GLG1: variants seen among roughly 807,000 people sequenced by gnomAD.
GLG1 encodes golgi glycoprotein 1, also known as Golgi apparatus protein 1.
In GLG1, 38 loss-of-function variants were observed where a neutral mutation model predicts 160.5. The observed-to-expected ratio is 0.24, with a 90% CI of 0.18 to 0.31. GLG1 has a LOEUF of 0.31. GLG1 is among the 10% of genes least tolerant of loss of function. The pLI is 1.00. For synonymous variants in GLG1, 644 were observed against 543.4 expected (o/e 1.19, Z -2.57); for missense variants, 1,373 against 1,505.2 (o/e 0.91, Z 1.45).
At chr16:74,541,846 T>C (rs1041032721) in intron 1 of GLG1, among the ~76,000 whole-genome samples, 1 of 152,026 alleles carries the variant, frequency 6.6e-6, no homozygotes, top group African/African-American at 2.4e-5. Flanking sequence ...ACATACTCTT[T>C]GCACTTTAAA....
intron 1 of GLG1, among the ~76,000 whole-genome samples, chr16:74,599,929 G>C (rs1958399744): frequency 6.6e-6 from 1 of 151,906 alleles, no homozygotes; most frequent in African/African-American, 2.4e-5. Flanking sequence ...TGCTACTAGA[G>C]AGGTGGAGCC....
rs149968812 is a variant in GLG1, at chr16:74,513,929, T to C, written c.472-5004A>G. Among the ~76,000 whole-genome samples, 541 of 152,022 alleles carry C rather than the reference T, an allele frequency of 3.6e-3. 5 individuals are homozygous for C. The highest frequency in any genetic ancestry group is 0.01 in the Middle Eastern group (3 of 294). ...ACAAATGGCTAACTAGAATAACCAGTGTAGAGAAGAGCTTAAATGACCTGA... is the reference window on the plus strand; with the variant it reads ...ACAAATGGCTAACTAGAATAACCAGCGTAGAGAAGAGCTTAAATGACCTGA... On this transcript the variant is annotated intron_variant, in intron 2 of 25. Coordinates refer to ENST00000422840, the MANE Select transcript of GLG1 (RefSeq NM_001145667.2).
chr16:74,467,727 A>G, intron 18 of GLG1, 29 bp downstream of exon 18: 1 of 1,354,378 alleles, frequency 7.4e-7, no homozygotes, highest in Non-Finnish European at 1.1e-6. Flanking sequence ...CATTACTTTT[A>G]CAATTACAAA....
intron 1 of GLG1, among the ~76,000 whole-genome samples, chr16:74,583,364 G>A (rs547584753): frequency 6.6e-6 from 1 of 152,148 alleles, no homozygotes; most frequent in African/African-American, 2.4e-5. Flanking sequence ...TGGAGGTAGT[G>A]TAACAGTTAA....
At chr16:74,540,868 T>G (rs894409996) in intron 1 of GLG1, among the ~76,000 whole-genome samples, 7 of 152,212 alleles carry the variant, frequency 4.6e-5, no homozygotes, top group Non-Finnish European at 8.8e-5. Flanking sequence ...ATAAAAGGCC[T>G]TGTTTTCACT....
chr16:74,557,874 C>T (rs143838651), intron 1 of GLG1, among the ~76,000 whole-genome samples: 37 of 152,120 alleles, frequency 2.4e-4, no homozygotes, highest in African/African-American at 7.5e-4. Flanking sequence ...CGTGAGCCAC[C>T]AGGCCTGGCC....
chr16:74,530,085 T>C (rs2017483832), intron 2 of GLG1, among the ~76,000 whole-genome samples: 1 of 152,116 alleles, frequency 6.6e-6, no homozygotes, highest in African/African-American at 2.4e-5. Context: ...ATTACAGGTG[T>C]GGACTACTGC....
At chr16:74,598,539 A>G (rs1163837295) in intron 1 of GLG1, among the ~76,000 whole-genome samples, 2 of 150,938 alleles carry the variant, frequency 1.3e-5, no homozygotes, top group Admixed American at 1.3e-4. Flanking sequence ...AAGAAAAAAG[A>G]AAGAAGAAAA....
At chr16:74,578,686 G>A (rs1033403774) in intron 1 of GLG1, among the ~76,000 whole-genome samples, 2 of 152,168 alleles carry the variant, frequency 1.3e-5, no homozygotes, top group African/African-American at 4.8e-5. Context: ...CAGAACACAG[G>A]CCTCCTTAGA....
chr16:74,476,053 G>A (rs1336196933), intron 12 of GLG1, among the ~76,000 whole-genome samples: 1 of 152,080 alleles, frequency 6.6e-6, no homozygotes, highest in Non-Finnish European at 1.5e-5. Context: ...GTGGTGGCAG[G>A]TGCCTGTAAT....
At chr16:74,498,751 G>A (rs1259101342) in intron 4 of GLG1, among the ~76,000 whole-genome samples, 3 of 146,906 alleles carry the variant, frequency 2.0e-5, no homozygotes, top group Non-Finnish European at 4.5e-5. Context: ...TATAACCCCA[G>A]CTACTCAGGA....
intron 13 of GLG1, among the ~76,000 whole-genome samples, chr16:74,473,978 G>C (rs1378819552): frequency 6.6e-6 from 1 of 151,664 alleles, no homozygotes; most frequent in Non-Finnish European, 1.5e-5. Context: ...TTGAAACACA[G>C]TCTCCCACTC....
chr16:74,588,894 C>A (rs1051893550), intron 1 of GLG1, among the ~76,000 whole-genome samples: 1 of 151,072 alleles, frequency 6.6e-6, no homozygotes. Flanking sequence ...TAAGAATAAT[C>A]AAATAGGGAA....
At chr16:74,504,010 A>G (rs2016508228) in intron 3 of GLG1, among the ~76,000 whole-genome samples, 1 of 152,230 alleles carries the variant, frequency 6.6e-6, no homozygotes, top group African/African-American at 2.4e-5. Flanking sequence ...ATACCTACAT[A>G]TCAAATGCTT....
chr16:74,448,746 G>C lies in GLG1; in HGVS notation c.*4421C>G. 1.8e-5 allele frequency: 1 copy of C among 54,182 alleles called. No individual in the cohort carries two copies. The highest frequency in any genetic ancestry group is 3.2e-5 in the Non-Finnish European group (1 of 31,474). The allele number at this position is 54,182 out of a possible 1,614,324, so 3.4% of individuals were successfully genotyped here. A position where few individuals can be genotyped will look rare whatever the true frequency, so the allele number is the denominator to read the frequency against. On this transcript the variant is annotated 3_prime_UTR_variant, in exon 26 of 26. Transcript: ENST00000422840. ...CAGCCTGGGCAACGAGTGAAACTGTGTCTCAAAAGAAAAAAAAAAAAAAGG... is the reference window on the plus strand; with the variant it reads ...CAGCCTGGGCAACGAGTGAAACTGTCTCTCAAAAGAAAAAAAAAAAAAAGG...
chr16:74,527,052 T>C (rs2017357381), intron 2 of GLG1, among the ~76,000 whole-genome samples: 1 of 152,166 alleles, frequency 6.6e-6, no homozygotes, highest in African/African-American at 2.4e-5. Flanking sequence ...ATCTGTATCC[T>C]GATTATACAT....
At chr16:74,597,736 C>T (rs1179776132) in intron 1 of GLG1, among the ~76,000 whole-genome samples, 1 of 151,910 alleles carries the variant, frequency 6.6e-6, no homozygotes, top group Non-Finnish European at 1.5e-5. Flanking sequence ...CGCCTGTAGT[C>T]CCAGCTACTC....
chr16:74,451,706 G>A lies in GLG1; in HGVS notation c.*1461C>T, dbSNP rs1023814831. ...CCTACTGTACACACTGCTCTCTTGT[G>A]CAGCCACTGTGATCTCATGCCCCAA... On this transcript the variant is annotated 3_prime_UTR_variant, in exon 26 of 26. Coordinates refer to ENST00000422840, the MANE Select transcript of GLG1 (RefSeq NM_001145667.2). 3.9e-5 allele frequency: 11 copies of A among 285,502 alleles called. No homozygotes were observed. The highest frequency in any genetic ancestry group is 2.4e-4 in the African/African-American group (11 of 46,646). The allele number at this position is 285,502 out of a possible 1,614,324, so 17.7% of individuals were successfully genotyped here.
At chr16:74,570,429 A>T (rs1430842317) in intron 1 of GLG1, among the ~76,000 whole-genome samples, 1 of 152,242 alleles carries the variant, frequency 6.6e-6, no homozygotes, top group East Asian at 1.9e-4. Flanking sequence ...ACTGCTCAAT[A>T]GCAAAAATGA....
Sources: gnomAD v4.1 joint callset for allele counts (sites outside exome capture counted in the v4.1 genomes callset) on GRCh38, gnomAD v4.1.1 for gene constraint, MANE v1.5 for transcripts, NCBI Gene and HGNC (gene_info 2026-07-23, HGNC 2026-07-21) for gene names.